KAZN: variants seen among roughly 807,000 people sequenced by gnomAD.
KAZN encodes the protein kazrin.
A neutral mutation model predicts 87.4 loss-of-function variants in KAZN; 40 were observed. The ratio of observed to expected loss-of-function variants is 0.46; its 90% CI spans 0.36 to 0.60. KAZN has a LOEUF of 0.60. Among genes scored for constraint, KAZN ranks in the 20% least tolerant of loss-of-function variants. The pLI, the probability that KAZN is intolerant of heterozygous loss-of-function variation, is 0.00. For missense variants in KAZN, 898 were observed against 1,073.9 expected, an observed-to-expected ratio of 0.84 and a Z score of 2.29; for synonymous variants, 466 against 458.3, an observed-to-expected ratio of 1.02 and a Z score of -0.22.
intron 1 of KAZN, among the ~76,000 whole-genome samples, chr1:13,962,719 G>T (rs572994808): frequency 6.6e-6 from 1 of 152,192 alleles, no homozygotes; most frequent in South Asian, 2.1e-4. Flanking sequence ...CACCACGCCT[G>T]GCTAAGTTTT....
chr1:14,860,550 G>T (rs763214778), intron 1 of KAZN, among the ~76,000 whole-genome samples: 1 of 152,158 alleles, frequency 6.6e-6, no homozygotes, highest in Non-Finnish European at 1.5e-5. Context: ...GTCAGAGAGG[G>T]AGACCTATAG....
chr1:14,645,118 C>A (rs537461763), intron 1 of KAZN, among the ~76,000 whole-genome samples: 8 of 152,242 alleles, frequency 5.3e-5, no homozygotes, highest in South Asian at 2.1e-4. Flanking sequence ...CTTGGGTGTG[C>A]AGCCTTATTT....
At chr1:14,573,707 G>T (rs186617518) in intron 2 of KAZN, among the ~76,000 whole-genome samples, 1 of 152,134 alleles carries the variant, frequency 6.6e-6, no homozygotes, top group Non-Finnish European at 1.5e-5. Context: ...GTCCAGGTCA[G>T]AACTTTAAAA....
intron 2 of KAZN, among the ~76,000 whole-genome samples, chr1:14,579,885 C>T (rs1265167569): frequency 6.6e-6 from 1 of 151,956 alleles, no homozygotes; most frequent in Non-Finnish European, 1.5e-5. Flanking sequence ...CGGCAGAGAA[C>T]CCAGTGTGAG....
intron 1 of KAZN, among the ~76,000 whole-genome samples, chr1:14,865,276 A>G (rs1256607070): frequency 6.6e-6 from 1 of 152,204 alleles, no homozygotes; most frequent in Non-Finnish European, 1.5e-5. Flanking sequence ...ATGAAAATAG[A>G]TCGCCCTGGG....
rs556474597 is a variant in KAZN at position 14,735,109 on chromosome 1, G to C, written c.226+135886G>C. Among the ~76,000 whole-genome samples the C allele has an allele frequency of 2.2e-4, 33 of 152,294 alleles. No homozygotes were observed. The East Asian group carries it at 6.2e-3, about 29-fold the overall frequency. On this transcript the variant is annotated intron_variant, in intron 1 of 14. Coordinates refer to ENST00000376030, the MANE Select transcript of KAZN (RefSeq NM_201628.3). This position sits in a 1 kb window ranked among gnomAD's most constrained non-coding sequence, Gnocchi z 4.3. ...GAGTCTCGCTCTTTCGCCCAGGCCG[G>C]ACTGTAGTGGCGCTATCTCGGCTCA...
At chr1:14,777,165 T>TG (rs1362920314) in intron 1 of KAZN, among the ~76,000 whole-genome samples, 14 of 24,114 alleles carry the variant, frequency 5.8e-4, no homozygotes, top group Non-Finnish European at 7.2e-4. Context: ...TTTTTTTTTT[T>TG]TTTTGTATTT....
rs549083626 is a variant in KAZN at position 14,956,830 on chromosome 1, C to T, written c.227-3854C>T. Among the ~76,000 whole-genome samples, 6 of 152,218 alleles carry T rather than the reference C, an allele frequency of 3.9e-5. No homozygotes were observed. In the East Asian group the frequency reaches 5.8e-4, roughly 15 times the overall value. On this transcript the variant is annotated intron_variant, in intron 1 of 14. Transcript: ENST00000376030. Reference sequence around the variant, plus strand: ...AGACAGTGAGCTGAGGTGGGAGCACCGAGGGGTGGTTGGGGCTGAGGCCTT... The same window carrying T: ...AGACAGTGAGCTGAGGTGGGAGCACTGAGGGGTGGTTGGGGCTGAGGCCTT...
chr1:14,486,878 C>T (rs1286668789), intron 2 of KAZN, among the ~76,000 whole-genome samples: 1 of 152,216 alleles, frequency 6.6e-6, no homozygotes, highest in Admixed American at 6.5e-5. Context: ...GCCTAAATTC[C>T]TTGGTAGCTC....
chr1:14,031,298 A>G (rs1289434247), intron 1 of KAZN, among the ~76,000 whole-genome samples: 1 of 152,266 alleles, frequency 6.6e-6, no homozygotes, highest in African/African-American at 2.4e-5. Context: ...GATTAGTAGT[A>G]CAGGCAGGAT....
At chr1:14,000,142 C>T (rs1639715361) in intron 1 of KAZN, among the ~76,000 whole-genome samples, 1 of 152,210 alleles carries the variant, frequency 6.6e-6, no homozygotes, top group Non-Finnish European at 1.5e-5. Flanking sequence ...TTGTGCCATT[C>T]CTTCTGAAAC....
At chr1:13,956,815 C>T (rs1641568360) in intron 1 of KAZN, among the ~76,000 whole-genome samples, 1 of 152,122 alleles carries the variant, frequency 6.6e-6, no homozygotes, top group Non-Finnish European at 1.5e-5. Context: ...AGCTGCTCAC[C>T]TGTGTTTTGT....
chr1:14,817,353 C>T (rs1196068186), intron 1 of KAZN, among the ~76,000 whole-genome samples: 1 of 152,192 alleles, frequency 6.6e-6, no homozygotes, highest in African/African-American at 2.4e-5. Flanking sequence ...GTCATTCAGT[C>T]ATTCAACAAA....
chr1:15,017,632 C>T (rs571438672), intron 2 of KAZN, among the ~76,000 whole-genome samples: 8 of 152,116 alleles, frequency 5.3e-5, no homozygotes, highest in East Asian at 1.9e-4. Flanking sequence ...GGTGAAACCC[C>T]GTCTCTACTA....
At chr1:14,212,969 T>A (rs1323542546) in intron 2 of KAZN, among the ~76,000 whole-genome samples, 1 of 152,176 alleles carries the variant, frequency 6.6e-6, no homozygotes. Context: ...AATTAATAAA[T>A]CCCTATAATG....
In KAZN at chr1:15,099,220, C is replaced by G. The variant is rs1640938305; in HGVS notation, c.1548-2323C>G. On this transcript the variant is annotated intron_variant, in intron 10 of 14. Transcript: ENST00000376030. This position sits in a 1 kb window ranked among gnomAD's most constrained non-coding sequence, Gnocchi z 5.4. ...AGGAGAGTGAAGCCAAGCTGCAAGC[C>G]CATCCTGCTCTTAGCCATTATTCCA... 6.6e-6 allele frequency among the ~76,000 whole-genome samples: 1 copy of G among 152,142 alleles called. No homozygotes were observed. The highest frequency in any genetic ancestry group is 6.5e-5 in the Admixed American group (1 of 15,270).
intron 2 of KAZN, among the ~76,000 whole-genome samples, chr1:14,220,579 C>G (rs1647073483): frequency 6.6e-6 from 1 of 152,168 alleles, no homozygotes; most frequent in African/African-American, 2.4e-5. Context: ...TACCCTCATT[C>G]CCTAGTGGAT....
chr1:14,880,495 T>G (rs1653220369), intron 1 of KAZN, among the ~76,000 whole-genome samples: 1 of 152,162 alleles, frequency 6.6e-6, no homozygotes, highest in Admixed American at 6.5e-5. Flanking sequence ...GTCAGGGAAT[T>G]AGACAAGGCT....
chr1:14,239,451 G>GGTT (rs1337342923), intron 2 of KAZN, among the ~76,000 whole-genome samples: 67 of 110,506 alleles, frequency 6.1e-4, no homozygotes, highest in East Asian at 1.0e-3. Flanking sequence ...CATAAGTTGG[G>GGTT]TTTCTTTTTT....
Sources: gnomAD v4.1 joint callset for allele counts (sites outside exome capture counted in the v4.1 genomes callset) on GRCh38, gnomAD v4.1.1 for gene constraint, Gnocchi (gnomAD v3.1) non-coding constraint, MANE v1.5 for transcripts, NCBI Gene and HGNC (gene_info 2026-07-23, HGNC 2026-07-21) for gene names.